The following CABCOCO1 variants were observed in gnomAD, a reference collection of about 807,000 sequenced individuals.
CABCOCO1 encodes the protein ciliary associated calcium binding coiled-coil 1.
Under a neutral mutation model 35.7 loss-of-function variants are expected in CABCOCO1, and 28 were observed. The observed-to-expected ratio is 0.78, with a 90% CI of 0.58 to 1.07. CABCOCO1 has a LOEUF of 1.07. CABCOCO1 is among the 50% of genes least tolerant of loss of function. The pLI is 0.00. For missense variants in CABCOCO1, 326 were observed against 309.2 expected (o/e 1.05, Z -0.41); for synonymous variants, 95 against 100.1 (o/e 0.95, Z 0.30).
At position 61,692,532 on chromosome 10, in the gene CABCOCO1, A is replaced by G. The variant is rs146964549; in HGVS notation, c.552+1911A>G. 3.3e-5 allele frequency among the ~76,000 whole-genome samples: 5 copies of G among 152,222 alleles called. No individual in the cohort carries two copies. In the East Asian group the frequency reaches 9.7e-4, roughly 29 times the overall value. ...AGAAATAAACAGTGAGTAACAGGAT[A>G]TTCACATTATCTTTGTAATTTTCCT... On this transcript the variant is annotated intron_variant, in intron 5 of 7. Transcript: ENST00000648843.
chr10:61,674,048 T>G (rs1356084282), intron 2 of CABCOCO1, among the ~76,000 whole-genome samples: 1 of 152,134 alleles, frequency 6.6e-6, no homozygotes, highest in Admixed American at 6.5e-5. Context: ...TTTATACAGT[T>G]CTTAATTTAT....
At chr10:61,680,082 G>A (rs201784132) in intron 2 of CABCOCO1, among the ~76,000 whole-genome samples, 55 of 151,748 alleles carry the variant, frequency 3.6e-4, no homozygotes, top group African/African-American at 1.2e-3. Context: ...AGGCCAAGGC[G>A]GGCAGATCAC....
intron 2 of CABCOCO1, among the ~76,000 whole-genome samples, chr10:61,680,456 A>AT (rs1279263834): frequency 1.7e-5 from 2 of 118,882 alleles, no homozygotes; most frequent in East Asian, 2.4e-4. Flanking sequence ...TATTTTATAT[A>AT]TAACATATAT....
intron 5 of CABCOCO1, among the ~76,000 whole-genome samples, chr10:61,740,174 T>C (rs1841518073): frequency 6.6e-6 from 1 of 152,226 alleles, no homozygotes; most frequent in African/African-American, 2.4e-5. Flanking sequence ...TGACAAAATA[T>C]AAACTTCCAA....
chr10:61,759,340 T>C (rs923963999), intron 5 of CABCOCO1, among the ~76,000 whole-genome samples: 3 of 152,062 alleles, frequency 2.0e-5, no homozygotes, highest in Admixed American at 6.6e-5. Context: ...ATGTTTAATG[T>C]TATTAATACC....
chr10:61,689,999 G>T (rs953373961), intron 4 of CABCOCO1, among the ~76,000 whole-genome samples: 1 of 152,000 alleles, frequency 6.6e-6, no homozygotes, highest in African/African-American at 2.4e-5. Context: ...ATGTATGACC[G>T]AATATTCTGC....
chr10:61,723,211 A>T (rs1841065065), intron 5 of CABCOCO1, among the ~76,000 whole-genome samples: 1 of 152,242 alleles, frequency 6.6e-6, no homozygotes, highest in Non-Finnish European at 1.5e-5. Context: ...CTTAGTAGAC[A>T]AGAAGAAAAA....
intron 1 of CABCOCO1, among the ~76,000 whole-genome samples, chr10:61,666,776 ATAAAC>A (rs1839186867): frequency 1.3e-5 from 2 of 151,422 alleles, no homozygotes; most frequent in Non-Finnish European, 2.9e-5. Flanking sequence ...CATTTACTAA[ATAAAC>A]TATTTTGTCT....
intron 5 of CABCOCO1, among the ~76,000 whole-genome samples, chr10:61,741,604 T>C (rs1841550862): frequency 1.3e-5 from 2 of 152,208 alleles, no homozygotes; most frequent in South Asian, 4.1e-4. Context: ...GAAGCTTTCC[T>C]AAACTATTAA....
chr10:61,737,826 G>A (rs1285754616), intron 5 of CABCOCO1, among the ~76,000 whole-genome samples: 1 of 152,072 alleles, frequency 6.6e-6, no homozygotes, highest in Admixed American at 6.5e-5. Context: ...TGGGAGGAGG[G>A]AGAGGAGCAG....
chr10:61,687,178 T>C (rs964312256), intron 4 of CABCOCO1, among the ~76,000 whole-genome samples: 3 of 152,236 alleles, frequency 2.0e-5, no homozygotes, highest in Non-Finnish European at 2.9e-5. Flanking sequence ...TGATATACTA[T>C]GGTTTTTACG....
intron 1 of CABCOCO1, among the ~76,000 whole-genome samples, chr10:61,664,851 G>C (rs1486645087): frequency 6.6e-6 from 1 of 152,098 alleles, no homozygotes; most frequent in Non-Finnish European, 1.5e-5. Flanking sequence ...TAGAAAAATG[G>C]CAAGATTCTC....
At chr10:61,730,384 C>A (rs1841274496) in intron 5 of CABCOCO1, among the ~76,000 whole-genome samples, 2 of 151,292 alleles carry the variant, frequency 1.3e-5, no homozygotes, top group Admixed American at 6.6e-5. Flanking sequence ...ACTATTTGAG[C>A]AAAATACATA....
At chr10:61,726,656 G>T (rs1410206876) in intron 5 of CABCOCO1, among the ~76,000 whole-genome samples, 1 of 151,868 alleles carries the variant, frequency 6.6e-6, no homozygotes, top group Non-Finnish European at 1.5e-5. Context: ...GTTACTTTGT[G>T]CGTTCATAAT....
At chr10:61,719,874 T>G (rs1418187887) in intron 5 of CABCOCO1, among the ~76,000 whole-genome samples, 3 of 132,554 alleles carry the variant, frequency 2.3e-5, no homozygotes, top group Non-Finnish European at 4.6e-5. Flanking sequence ...TGAGCTGAGA[T>G]CACACCACTG....
At chr10:61,721,312 A>G (rs764659036) in intron 5 of CABCOCO1, among the ~76,000 whole-genome samples, 2 of 152,090 alleles carry the variant, frequency 1.3e-5, no homozygotes, top group Admixed American at 6.5e-5. Flanking sequence ...ATGTGAGCTG[A>G]AATGTCATGA....
intron 5 of CABCOCO1, among the ~76,000 whole-genome samples, chr10:61,707,479 G>A (rs1840621959): frequency 6.6e-6 from 1 of 152,192 alleles, no homozygotes; most frequent in Admixed American, 6.5e-5. Context: ...ACCTGTGGAT[G>A]TCCAGAGGAT....
At chr10:61,739,118 T>C (rs1841489564) in intron 5 of CABCOCO1, among the ~76,000 whole-genome samples, 1 of 152,202 alleles carries the variant, frequency 6.6e-6, no homozygotes, top group Non-Finnish European at 1.5e-5. Flanking sequence ...TAAATGACTA[T>C]TTTCTGAATT....
At chr10:61,764,702 C>T (rs1842072802) in intron 7 of CABCOCO1, among the ~76,000 whole-genome samples, 1 of 151,982 alleles carries the variant, frequency 6.6e-6, no homozygotes, top group Non-Finnish European at 1.5e-5. Context: ...CTTGCCTCCT[C>T]CACCCAACCA....
Sources: gnomAD v4.1 joint callset for allele counts (sites outside exome capture counted in the v4.1 genomes callset) on GRCh38, gnomAD v4.1.1 for gene constraint, MANE v1.5 for transcripts, NCBI Gene and HGNC (gene_info 2026-07-23, HGNC 2026-07-21) for gene names.